Variants in EIF5B observed in about 807,000 individuals in gnomAD.
EIF5B encodes the protein eukaryotic translation initiation factor 5B, also known as eIF-5B.
A neutral mutation model predicts 147.5 loss-of-function variants in EIF5B; 47 were observed. The observed-to-expected ratio is 0.32, with a 90% CI of 0.25 to 0.41. The LOEUF is 0.41. Ranked by LOEUF, EIF5B falls within the 10% of genes least tolerant of loss-of-function variation. The pLI, the probability that EIF5B is intolerant of heterozygous loss-of-function variation, is 1.00. For missense variants in EIF5B, 1,064 were observed against 1,413.2 expected, an observed-to-expected ratio of 0.75 and a Z score of 3.96; for synonymous variants, 455 against 456.2, an observed-to-expected ratio of 1.00 and a Z score of 0.03.
chr2:99,361,859 G>C, intron 4 of EIF5B, 39 bp downstream of exon 4: 1 of 1,483,424 alleles, frequency 6.7e-7, no homozygotes. Flanking sequence ...AAAGGCTTTT[G>C]ATTCACAGTA....
intron 1 of EIF5B, chr2:99,338,265 C>A: frequency 7.9e-7 from 1 of 1,261,734 alleles, no homozygotes; most frequent in Non-Finnish European, 1.0e-6. Flanking sequence ...TCCTTTCTAA[C>A]CACCTGCAAT....
chr2:99,337,663 C>G (rs1574913338), intron 1 of EIF5B, 74 bp downstream of exon 1: 1 of 1,520,314 alleles, frequency 6.6e-7, no homozygotes, highest in East Asian at 2.4e-5. Context: ...CCGGGCGCGG[C>G]GTCGGACCGG....
chr2:99,367,444 T>TTC (rs58882301), intron 6 of EIF5B, among the ~76,000 whole-genome samples: 1 of 134,238 alleles, frequency 7.4e-6, no homozygotes, highest in Non-Finnish European at 1.7e-5. Context: ...TTTTTTTTTT[T>TTC]CTCTCTTTTT....
intron 20 of EIF5B, 55 bp downstream of exon 20, chr2:99,394,640 T>G: frequency 6.2e-7 from 1 of 1,611,750 alleles, no homozygotes. Context: ...ATCTTAAAAC[T>G]GTCCTATCTT....
chr2:99,355,435 T>A (rs1674074581), intron 1 of EIF5B, among the ~76,000 whole-genome samples: 1 of 152,146 alleles, frequency 6.6e-6, no homozygotes, highest in South Asian at 2.1e-4. Context: ...ATGGCATGTC[T>A]CTTCACGTAG....
rs183989818 is a variant in EIF5B at position 99,337,545 on chromosome 2, T to C, written c.-10T>C. On this transcript the variant is annotated 5_prime_UTR_variant, in exon 1 of 24. Coordinates refer to ENST00000289371, the MANE Select transcript of EIF5B (RefSeq NM_015904.4). ...AGAGGGGCTGGGGCCACGAGCGCCA[T>C]TGACAAGCAATGGGGAAGAAACAGA... 1.9e-4 allele frequency: 302 copies of C among 1,612,672 alleles called. No homozygotes were observed. In the African/African-American group the frequency reaches 3.8e-3, roughly 20 times the overall value.
intron 9 of EIF5B, among the ~76,000 whole-genome samples, chr2:99,372,037 T>G (rs1425944604): frequency 6.6e-6 from 1 of 152,230 alleles, no homozygotes; most frequent in Non-Finnish European, 1.5e-5. Context: ...CACTGTTAAC[T>G]TAAAAGGTAA....
At chr2:99,357,450 A>G (rs978064002) in intron 1 of EIF5B, among the ~76,000 whole-genome samples, 3 of 152,224 alleles carry the variant, frequency 2.0e-5, no homozygotes, top group African/African-American at 7.2e-5. Context: ...GACAGTGTAT[A>G]TATTATGTCT....
chr2:99,356,399 G>T (rs1216071393), intron 1 of EIF5B, among the ~76,000 whole-genome samples: 2 of 152,048 alleles, frequency 1.3e-5, no homozygotes, highest in African/African-American at 4.8e-5. Context: ...TGCATATTTA[G>T]CTTTCTTCTG....
intron 14 of EIF5B, among the ~76,000 whole-genome samples, chr2:99,385,273 G>A (rs1178219917): frequency 1.3e-5 from 2 of 152,168 alleles, no homozygotes; most frequent in African/African-American, 2.4e-5. Flanking sequence ...TTGAACTTCC[G>A]AGCTCAGGTG....
At chr2:99,388,647 TTTACA>T (rs1330541125) in intron 14 of EIF5B, among the ~76,000 whole-genome samples, 2 of 152,230 alleles carry the variant, frequency 1.3e-5, no homozygotes, top group African/African-American at 4.8e-5. Context: ...TTAAACCAAC[TTTACA>T]TTATTAAAAT....
chr2:99,381,518 G>GGGGT (rs1553536176), intron 12 of EIF5B, among the ~76,000 whole-genome samples: 1 of 142,988 alleles, frequency 7.0e-6, no homozygotes, highest in Non-Finnish European at 1.5e-5. Context: ...ACAAAAAGGG[G>GGGGT]GTGTGTGTGT....
chr2:99,372,927 T>C (rs1440199000), intron 9 of EIF5B, among the ~76,000 whole-genome samples: 1 of 152,114 alleles, frequency 6.6e-6, no homozygotes, highest in Non-Finnish European at 1.5e-5. Context: ...TTCTGATCTG[T>C]TTTTTCTCTC....
At chr2:99,372,694 A>G (rs557581664) in intron 9 of EIF5B, among the ~76,000 whole-genome samples, 8 of 152,184 alleles carry the variant, frequency 5.3e-5, no homozygotes, top group Non-Finnish European at 1.2e-4. Flanking sequence ...TTGTTACTTC[A>G]TTGTGATCAG....
At chr2:99,351,003 A>C (rs1673941241) in intron 1 of EIF5B, among the ~76,000 whole-genome samples, 1 of 152,258 alleles carries the variant, frequency 6.6e-6, no homozygotes, top group African/African-American at 2.4e-5. Context: ...AAAAGATTAT[A>C]GATTTGTTCT....
At chr2:99,386,687 C>A (rs913906674) in intron 14 of EIF5B, among the ~76,000 whole-genome samples, 3 of 145,688 alleles carry the variant, frequency 2.1e-5, no homozygotes, top group Non-Finnish European at 3.0e-5. Flanking sequence ...ACCACCACAC[C>A]CGGTTAGGGT....
intron 10 of EIF5B, 144 bp from the exon 11 acceptor site, chr2:99,378,875 T>G: frequency 5.0e-6 from 3 of 597,148 alleles, no homozygotes; most frequent in Non-Finnish European, 8.3e-6. Context: ...GTTCACATTA[T>G]AAATTCCAAT....
intron 14 of EIF5B, among the ~76,000 whole-genome samples, chr2:99,386,928 T>C (rs1674821273): frequency 6.6e-6 from 1 of 152,180 alleles, no homozygotes; most frequent in Non-Finnish European, 1.5e-5. Context: ...TATTTATTTT[T>C]GGGACAGGGC....
At chr2:99,390,144 G>A (rs752887704) in intron 15 of EIF5B, 75 bp from the exon 16 acceptor site, 43 of 1,538,662 alleles carry the variant, frequency 2.8e-5, no homozygotes, top group South Asian at 3.5e-5. Context: ...TTGCTCATCC[G>A]GCTTCTAGTG....
Sources: gnomAD v4.1 joint callset for allele counts (sites outside exome capture counted in the v4.1 genomes callset) on GRCh38, gnomAD v4.1.1 for gene constraint, MANE v1.5 for transcripts, NCBI Gene and HGNC (gene_info 2026-07-23, HGNC 2026-07-21) for gene names.